Variants in PTPRG observed in about 807,000 individuals in gnomAD.
PTPRG encodes the protein receptor-type tyrosine-protein phosphatase gamma.
PTPRG carries 102 observed loss-of-function variants against 165.3 expected under a neutral mutation model. The observed-to-expected ratio is 0.62, with a 90% CI of 0.53 to 0.73. PTPRG has a LOEUF of 0.73. Among genes scored for constraint, PTPRG ranks in the 30% least tolerant of loss-of-function variants. The probability of loss-of-function intolerance (pLI) is 0.00; values close to 1 mark genes in which losing one functional copy is unlikely to be tolerated. For missense variants in PTPRG, 1,866 were observed against 1,861.4 expected, an observed-to-expected ratio of 1.00 and a Z score of -0.05; for synonymous variants, 675 against 669.5, an observed-to-expected ratio of 1.01 and a Z score of -0.13.
At chr3:61,778,051 G>A (rs1394398390) in intron 2 of PTPRG, among the ~76,000 whole-genome samples, 1 of 152,122 alleles carries the variant, frequency 6.6e-6, no homozygotes, top group African/African-American at 2.4e-5. Context: ...CCCATGCCAA[G>A]CACTGTGGCT....
At chr3:61,707,342 C>T (rs576788989) in intron 1 of PTPRG, among the ~76,000 whole-genome samples, 7 of 152,294 alleles carry the variant, frequency 4.6e-5, no homozygotes, top group East Asian at 1.9e-4. Context: ...ATTGGCTCAT[C>T]GGATTATGGG....
rs533756017 is a variant in PTPRG, at chr3:62,237,896, G to A, written c.2376-5911G>A. On this transcript the variant is annotated intron_variant, in intron 14 of 29. Transcript: ENST00000474889. This position sits in a 1 kb window ranked among gnomAD's most constrained non-coding sequence, Gnocchi z 4.5. Reference sequence around the variant, plus strand: ...TGGACTTCCAATCAAACCTTTCTTAGAAATCTTTTGAAGATATATGAGCCC... The same window carrying A: ...TGGACTTCCAATCAAACCTTTCTTAAAAATCTTTTGAAGATATATGAGCCC... 1.3e-5 allele frequency among the ~76,000 whole-genome samples: 2 copies of A among 152,262 alleles called. No homozygotes were observed. The highest frequency in any genetic ancestry group is 3.9e-4 in the East Asian group (2 of 5,170).
At chr3:61,874,675 CA>C (rs2037675762) in intron 2 of PTPRG, among the ~76,000 whole-genome samples, 1 of 152,110 alleles carries the variant, frequency 6.6e-6, no homozygotes, top group Non-Finnish European at 1.5e-5. Flanking sequence ...GGCTTTGGGA[CA>C]GGGGGAGTGT....
At chr3:62,274,410 A>G (rs969029949) in intron 23 of PTPRG, among the ~76,000 whole-genome samples, 3 of 152,184 alleles carry the variant, frequency 2.0e-5, no homozygotes, top group Non-Finnish European at 4.4e-5. Flanking sequence ...AAAAAGAGAG[A>G]TTATAAGGAC....
At chr3:62,289,262 G>GTAAATACCTA (rs1305202169) in intron 28 of PTPRG, among the ~76,000 whole-genome samples, 1 of 152,196 alleles carries the variant, frequency 6.6e-6, no homozygotes, top group African/African-American at 2.4e-5. Flanking sequence ...GTCAGTACAT[G>GTAAATACCTA]TAAATACCTA....
intron 1 of PTPRG, among the ~76,000 whole-genome samples, chr3:61,618,190 C>T (rs537876285): frequency 6.6e-6 from 1 of 152,230 alleles, no homozygotes; most frequent in African/African-American, 2.4e-5. Context: ...TGAAAGATGG[C>T]AGGCTTAAAA....
chr3:61,731,535 G>T (rs1055382020), intron 1 of PTPRG, among the ~76,000 whole-genome samples: 2 of 151,930 alleles, frequency 1.3e-5, no homozygotes, highest in Admixed American at 6.6e-5. Context: ...TTTTAGTAGA[G>T]ACAGGGTTTC....
chr3:61,819,563 A>G (rs542698373), intron 2 of PTPRG, among the ~76,000 whole-genome samples: 3 of 152,294 alleles, frequency 2.0e-5, no homozygotes, highest in South Asian at 2.1e-4. Flanking sequence ...TAGACTTTAT[A>G]TAATTCTCCA....
chr3:61,835,396 C>G (rs1377491379), intron 2 of PTPRG, among the ~76,000 whole-genome samples: 1 of 152,066 alleles, frequency 6.6e-6, no homozygotes, highest in Non-Finnish European at 1.5e-5. Context: ...TGCAGTGGTG[C>G]GATCTCAGCT....
intron 2 of PTPRG, among the ~76,000 whole-genome samples, chr3:61,839,279 G>A (rs1252580437): frequency 6.6e-6 from 1 of 152,134 alleles, no homozygotes; most frequent in Non-Finnish European, 1.5e-5. Context: ...AATATTTACT[G>A]TTCGGTAGAT....
At chr3:61,756,925 A>G (rs997755583) in intron 2 of PTPRG, among the ~76,000 whole-genome samples, 4 of 152,172 alleles carry the variant, frequency 2.6e-5, no homozygotes, top group African/African-American at 9.6e-5. Context: ...CTTTTTGGCA[A>G]TATCTGTGAA....
At chr3:61,718,507 G>A (rs764535496) in intron 1 of PTPRG, among the ~76,000 whole-genome samples, 13 of 152,232 alleles carry the variant, frequency 8.5e-5, no homozygotes, top group African/African-American at 1.4e-4. Flanking sequence ...GTGACCATCC[G>A]TTAGTTTTAA....
intron 1 of PTPRG, among the ~76,000 whole-genome samples, chr3:61,626,776 TA>T (rs1701621292): frequency 6.6e-6 from 1 of 152,218 alleles, no homozygotes; most frequent in Non-Finnish European, 1.5e-5. Context: ...AAATGTATTT[TA>T]CATTTGCCAT....
Position 61,968,950 on chromosome 3 carries a change from G to A in PTPRG, c.191-20675G>A, listed in dbSNP as rs1032986513. 5.9e-5 allele frequency among the ~76,000 whole-genome samples: 9 copies of A among 152,226 alleles called. No homozygotes were observed. In the East Asian group the frequency reaches 1.7e-3, roughly 29 times the overall value. The stretch of plus-strand genomic sequence containing the variant: ...TGAGACATGGTGTTGTCTGTACTCT[G>A]TACATTTTACTGAACAGATGATGTC... On this transcript the variant is annotated intron_variant, in intron 2 of 29. Coordinates refer to ENST00000474889, the MANE Select transcript of PTPRG (RefSeq NM_002841.4).
At chr3:61,988,545 G>C (rs909937224) in intron 2 of PTPRG, among the ~76,000 whole-genome samples, 12 of 152,194 alleles carry the variant, frequency 7.9e-5, no homozygotes, top group African/African-American at 2.9e-4. Context: ...TATGAGGCTA[G>C]GTATACAGGA....
intron 2 of PTPRG, among the ~76,000 whole-genome samples, chr3:61,833,988 G>A (rs917529953): frequency 3.9e-5 from 6 of 152,138 alleles, no homozygotes; most frequent in Admixed American, 3.3e-4. Context: ...GCTTCAATTA[G>A]TCACAGCACA....
chr3:62,167,854 CTACCGTTTCATGCTCTT>C, intron 7 of PTPRG, 100 bp from the exon 8 acceptor site: 1 of 1,054,378 alleles, frequency 9.5e-7, no homozygotes, highest in Non-Finnish European at 1.4e-6. Context: ...TGGGCACTTC[CTACCGTTTCATGCTCTT>C]ATCACCTTCA....
At chr3:61,861,217 T>C (rs1358067871) in intron 2 of PTPRG, among the ~76,000 whole-genome samples, 1 of 152,300 alleles carries the variant, frequency 6.6e-6, no homozygotes, top group South Asian at 2.1e-4. Flanking sequence ...TGTATTATGA[T>C]AGTTTCAGTC....
chr3:61,940,385 C>T (rs931239707), intron 2 of PTPRG, among the ~76,000 whole-genome samples: 1 of 152,200 alleles, frequency 6.6e-6, no homozygotes. Flanking sequence ...TGGCAGAGGT[C>T]ATGCATGAAT....
Sources: gnomAD v4.1 joint callset for allele counts (sites outside exome capture counted in the v4.1 genomes callset) on GRCh38, gnomAD v4.1.1 for gene constraint, Gnocchi (gnomAD v3.1) non-coding constraint, MANE v1.5 for transcripts, NCBI Gene and HGNC (gene_info 2026-07-23, HGNC 2026-07-21) for gene names.